The following TNFSF4 variants were observed in gnomAD, a reference collection of about 807,000 sequenced individuals.
TNFSF4 encodes the protein TNF superfamily member 4, also known as tumor necrosis factor ligand superfamily member 4.
Under a neutral mutation model 7.3 loss-of-function variants are expected in TNFSF4, and 4 were observed. That is an observed-to-expected ratio of 0.55 (90% CI 0.27 to 1.25). TNFSF4 has a LOEUF of 1.25. Among genes scored for constraint, TNFSF4 ranks in the 50% most tolerant of loss-of-function variants. The pLI, the probability that TNFSF4 is intolerant of heterozygous loss-of-function variation, is 0.12. For missense variants in TNFSF4, 181 were observed against 208.8 expected, an observed-to-expected ratio of 0.87 and a Z score of 0.82; for synonymous variants, 76 against 83.7, an observed-to-expected ratio of 0.91 and a Z score of 0.50.
chr1:173,314,883 A>G, the TNFSF4 span, among the ~76,000 whole-genome samples: 1 of 152,098 alleles, frequency 6.6e-6, no homozygotes, highest in Admixed American at 6.6e-5. Context: ...AGTGAAGTAC[A>G]ATGGGTATAA....
At chr1:173,354,690 A>G in the TNFSF4 span, among the ~76,000 whole-genome samples, 2 of 152,352 alleles carry the variant, frequency 1.3e-5, no homozygotes, top group South Asian at 2.1e-4. Flanking sequence ...GTACTAAGGG[A>G]TATATACCTT....
the TNFSF4 span, among the ~76,000 whole-genome samples, chr1:173,229,361 C>A: frequency 6.6e-6 from 1 of 152,098 alleles, no homozygotes; most frequent in African/African-American, 2.4e-5. Context: ...GAAATAAAAT[C>A]CTTTACAGAC....
At chr1:173,245,561 C>T in the TNFSF4 span, among the ~76,000 whole-genome samples, 9 of 152,136 alleles carry the variant, frequency 5.9e-5, no homozygotes, top group Non-Finnish European at 1.3e-4. Context: ...TTTAGCTTAT[C>T]CATTACTGCA....
chr1:173,412,117 GAAAAAAA>G, the TNFSF4 span, among the ~76,000 whole-genome samples: 1 of 120,472 alleles, frequency 8.3e-6, no homozygotes, highest in African/African-American at 3.3e-5. Flanking sequence ...TCCATCTCAA[GAAAAAAA>G]AAAAAAAAAA....
At chr1:173,417,582 A>G in the TNFSF4 span, among the ~76,000 whole-genome samples, 1 of 152,230 alleles carries the variant, frequency 6.6e-6, no homozygotes, top group Admixed American at 6.5e-5. Flanking sequence ...CCAAGTTTGA[A>G]AAAGCCAGAG....
the TNFSF4 span, among the ~76,000 whole-genome samples, chr1:173,276,253 C>T: frequency 6.6e-6 from 1 of 151,990 alleles, no homozygotes; most frequent in East Asian, 1.9e-4. Flanking sequence ...CAAATTAAGC[C>T]TGTTTCTGTA....
the TNFSF4 span, among the ~76,000 whole-genome samples, chr1:173,396,539 G>A: frequency 6.6e-6 from 1 of 152,252 alleles, no homozygotes; most frequent in Admixed American, 6.5e-5. Context: ...TGGGCAAATG[G>A]TGGAAAGAAC....
the TNFSF4 span, among the ~76,000 whole-genome samples, chr1:173,308,267 T>TTC: frequency 6.4e-3 from 856 of 132,856 alleles, 8 homozygotes; most frequent in South Asian, 0.022. Context: ...CTCTCTCTCT[T>TTC]TCTCTCTCTC....
the TNFSF4 span, among the ~76,000 whole-genome samples, chr1:173,326,881 T>C: frequency 7.9e-5 from 12 of 152,136 alleles, no homozygotes; most frequent in Non-Finnish European, 1.5e-5. Flanking sequence ...CACAAACAAA[T>C]GGAAGAACAT....
the TNFSF4 span, among the ~76,000 whole-genome samples, chr1:173,406,978 G>A: frequency 3.3e-5 from 5 of 152,132 alleles, no homozygotes; most frequent in East Asian, 7.7e-4. Flanking sequence ...TAGTTGGGGG[G>A]ATGGGGAGAC....
chr1:173,178,238 C>T, the TNFSF4 span, among the ~76,000 whole-genome samples: 4 of 152,068 alleles, frequency 2.6e-5, no homozygotes. Flanking sequence ...CTAATAGATC[C>T]TTTAGGAAGG....
At chr1:173,438,922 G>C in the TNFSF4 span, among the ~76,000 whole-genome samples, 1 of 152,176 alleles carries the variant, frequency 6.6e-6, no homozygotes, top group Non-Finnish European at 1.5e-5. Context: ...AAATAAATGA[G>C]GCTTCAGAGA....
the TNFSF4 span, among the ~76,000 whole-genome samples, chr1:173,288,546 T>C: frequency 2.0e-5 from 3 of 152,156 alleles, no homozygotes; most frequent in East Asian, 1.9e-4. Flanking sequence ...TGGTTCCCAA[T>C]AATTAAAAAA....
chr1:173,420,380 G>C, the TNFSF4 span, among the ~76,000 whole-genome samples: 1 of 152,204 alleles, frequency 6.6e-6, no homozygotes, highest in Non-Finnish European at 1.5e-5. Flanking sequence ...CAAGCTGTGA[G>C]AGATTGAGAA....
the TNFSF4 span, among the ~76,000 whole-genome samples, chr1:173,299,594 C>CA: frequency 6.6e-6 from 1 of 151,874 alleles, no homozygotes; most frequent in Non-Finnish European, 1.5e-5. Context: ...TGTGTTTTAG[C>CA]AAAAGATCCA....
At chr1:173,365,306 T>C in the TNFSF4 span, among the ~76,000 whole-genome samples, 1 of 152,238 alleles carries the variant, frequency 6.6e-6, no homozygotes, top group African/African-American at 2.4e-5. Flanking sequence ...TTTTGTAATA[T>C]CATTTTCTAC....
At chr1:173,383,128 G>A in the TNFSF4 span, among the ~76,000 whole-genome samples, 1 of 152,160 alleles carries the variant, frequency 6.6e-6, no homozygotes, top group Non-Finnish European at 1.5e-5. Context: ...GATCAGGAGT[G>A]GGGGGATCTA....
the TNFSF4 span, among the ~76,000 whole-genome samples, chr1:173,295,715 G>A: frequency 1.3e-5 from 2 of 151,906 alleles, no homozygotes; most frequent in Non-Finnish European, 1.5e-5. Context: ...CATCTTCAAC[G>A]TCATCTTATC....
At chr1:173,243,380 C>T in the TNFSF4 span, among the ~76,000 whole-genome samples, 1 of 152,138 alleles carries the variant, frequency 6.6e-6, no homozygotes, top group Non-Finnish European at 1.5e-5. Flanking sequence ...CCTCCACAGT[C>T]CTCTTAAGAG....
Sources: gnomAD v4.1 joint callset for allele counts (sites outside exome capture counted in the v4.1 genomes callset) on GRCh38, gnomAD v4.1.1 for gene constraint, MANE v1.5 for transcripts, NCBI Gene and HGNC (gene_info 2026-07-23, HGNC 2026-07-21) for gene names.